CLTC: variants seen among roughly 807,000 people sequenced by gnomAD.
CLTC encodes the protein clathrin heavy chain, also known as clathrin heavy chain 1.
CLTC carries 16 observed loss-of-function variants against 195.8 expected under a neutral mutation model. The observed-to-expected ratio is 0.08, with a 90% CI of 0.06 to 0.12. The LOEUF is 0.12. Among genes scored for constraint, CLTC ranks in the 10% least tolerant of loss-of-function variants. The pLI is 1.00. For missense variants in CLTC, 796 were observed against 2,027.0 expected, an observed-to-expected ratio of 0.39 and a Z score of 11.66; for synonymous variants, 667 against 689.4, an observed-to-expected ratio of 0.97 and a Z score of 0.51.
intron 16 of CLTC, among the ~76,000 whole-genome samples, chr17:59,675,531 G>A (rs976963590): frequency 6.6e-6 from 1 of 152,052 alleles, no homozygotes; most frequent in African/African-American, 2.4e-5. Context: ...GTTGATATAG[G>A]TGATCTACTA....
In CLTC at chr17:59,695,916, A is replaced by G. The variant is rs940577630; in HGVS notation, c.*2064A>G. 4.9e-6 allele frequency: 1 copy of G among 202,120 alleles called. No homozygotes were observed. Among genetic ancestry groups the G allele is most frequent in the African/African-American group, 2.3e-5 (1 of 43,742 alleles). 12.5% of individuals were successfully genotyped at this position (202,120 alleles called of 1,614,324 possible). On this transcript the variant is annotated 3_prime_UTR_variant, in exon 32 of 32. Transcript: ENST00000269122. ...TTCTGCAGAGTATACTTTGAAAACT[A>G]TAAGATTATGAGTTCTATAAAATAC...
At chr17:59,669,737 T>TAAAA (rs1555605771) in intron 14 of CLTC, among the ~76,000 whole-genome samples, 1 of 151,480 alleles carries the variant, frequency 6.6e-6, no homozygotes, top group Non-Finnish European at 1.5e-5. Context: ...TATATATATA[T>TAAAA]AATGATTCCT....
intron 1 of CLTC, among the ~76,000 whole-genome samples, chr17:59,637,987 TA>T (rs56038540): frequency 1.4e-5 from 2 of 146,196 alleles, no homozygotes; most frequent in Admixed American, 1.4e-4. Context: ...AAACAAACTT[TA>T]AAAAAAAAAA....
At chr17:59,679,560 A>G (rs1169598644) in intron 18 of CLTC, 41 bp downstream of exon 18, 1 of 1,521,992 alleles carries the variant, frequency 6.6e-7, no homozygotes, top group Non-Finnish European at 8.9e-7. Flanking sequence ...AGTAAAAATT[A>G]TACATTTTTA....
chr17:59,675,481 G>A (rs2032946151), intron 16 of CLTC, among the ~76,000 whole-genome samples: 1 of 152,076 alleles, frequency 6.6e-6, no homozygotes, highest in African/African-American at 2.4e-5. Flanking sequence ...CTGTTTATGA[G>A]AAGAAATTAA....
rs181753997 is a variant in CLTC at position 59,671,729 on chromosome 17, T to C, written c.2293-1918T>C. On this transcript the variant is annotated intron_variant, in intron 14 of 31. Coordinates refer to ENST00000269122, the MANE Select transcript of CLTC (RefSeq NM_004859.4). ...TTTAGCTTCAACCACACTGGCCTGC[T>C]AGCTATTCCTGGAACTCCCCTAACC... Among the ~76,000 whole-genome samples the C allele has an allele frequency of 2.0e-5, 3 of 152,320 alleles. No individual in the cohort carries two copies. In the East Asian group the frequency reaches 5.8e-4, roughly 29 times the overall value.
intron 6 of CLTC, among the ~76,000 whole-genome samples, chr17:59,659,553 C>T (rs1305807248): frequency 6.6e-6 from 1 of 150,928 alleles, no homozygotes; most frequent in Middle Eastern, 3.4e-3. Context: ...TGGGTTCAAG[C>T]GATTCTCCTG....
chr17:59,661,585 G>A lies in CLTC; in HGVS notation c.1310G>A (p.Arg437Lys). The change falls in exon 8 of 32, where the codon AGG (arginine) becomes AAG (lysine). Residue 437 changes from arginine (R) to lysine (K), a missense_variant. Around this residue, in one of 9 missense-constraint regions of CLTC, gnomAD observed 293 missense variants for 795.6 expected, o/e 0.37. Coordinates refer to ENST00000269122, the MANE Select transcript of CLTC (RefSeq NM_004859.4). The part of the protein sequence containing the change: ...LNKYESLELC[R>K]PVLQQGRKQL... ...AAATACGAATCCTTAGAGCTTTGTA[G>A]GCCTGTACTTCAGCAAGGGCGAAAA... 2.5e-6 allele frequency: 4 copies of A among 1,614,056 alleles called. No individual in the cohort carries two copies. Among genetic ancestry groups the A allele is most frequent in the Non-Finnish European group, 3.4e-6 (4 of 1,179,990 alleles).
chr17:59,678,127 C>T (rs917581445), intron 17 of CLTC, among the ~76,000 whole-genome samples: 1 of 152,138 alleles, frequency 6.6e-6, no homozygotes, highest in Non-Finnish European at 1.5e-5. Flanking sequence ...TCTGATGGTT[C>T]CCGATGATTA....
intron 8 of CLTC, among the ~76,000 whole-genome samples, chr17:59,662,749 T>TAGC (rs951275524): frequency 6.6e-6 from 1 of 152,186 alleles, no homozygotes; most frequent in African/African-American, 2.4e-5. Flanking sequence ...ATAGCCACAC[T>TAGC]AGCGAGTATT....
At chr17:59,659,193 T>A (rs1238419911) in intron 6 of CLTC, among the ~76,000 whole-genome samples, 1 of 152,040 alleles carries the variant, frequency 6.6e-6, no homozygotes, top group Non-Finnish European at 1.5e-5. Flanking sequence ...TTATATTAGG[T>A]TGAGAAGTGC....
Position 59,696,862 on chromosome 17 carries a change from G to A in CLTC, c.*3010G>A, listed in dbSNP as rs2033440924. On this transcript the variant is annotated 3_prime_UTR_variant, in exon 32 of 32. Transcript: ENST00000269122. ...GAAGTGAGAAACTTTAATAGGCTGT[G>A]ATTTAGAACCACTGCTGATTAACCT... The A allele has an allele frequency of 5.0e-6, 1 of 201,158 alleles. No individual in the cohort carries two copies. Among genetic ancestry groups the A allele is most frequent in the African/African-American group, 2.3e-5 (1 of 43,584 alleles). The allele number at this position is 201,158 out of a possible 1,614,324, so 12.5% of individuals were successfully genotyped here. A position where few individuals can be genotyped will look rare whatever the true frequency, so the allele number is the denominator to read the frequency against.
chr17:59,621,172 C>G (rs2031365891), intron 1 of CLTC, among the ~76,000 whole-genome samples: 1 of 152,224 alleles, frequency 6.6e-6, no homozygotes, highest in Non-Finnish European at 1.5e-5. Context: ...GGCAACATGC[C>G]AGTGGCGGGC....
At chr17:59,622,032 A>G (rs1025079040) in intron 1 of CLTC, among the ~76,000 whole-genome samples, 4 of 152,170 alleles carry the variant, frequency 2.6e-5, no homozygotes, top group African/African-American at 9.7e-5. Context: ...CATTTCTTTT[A>G]AAGAGGAGAC....
intron 6 of CLTC, among the ~76,000 whole-genome samples, chr17:59,659,026 A>G (rs1056492428): frequency 6.6e-6 from 1 of 152,140 alleles, no homozygotes; most frequent in Non-Finnish European, 1.5e-5. Context: ...GTATTTTTCA[A>G]TTCTTACTGA....
At chr17:59,661,821 C>T (rs958983314) in intron 8 of CLTC, among the ~76,000 whole-genome samples, 178 bp downstream of exon 8, 13 of 151,822 alleles carry the variant, frequency 8.6e-5, no homozygotes, top group Middle Eastern at 3.2e-3. Flanking sequence ...TATATTTTTT[C>T]GCCGGGCATG....
chr17:59,665,843 AAAAAT>A (rs1598227137), intron 10 of CLTC, among the ~76,000 whole-genome samples: 1 of 152,216 alleles, frequency 6.6e-6, no homozygotes, highest in East Asian at 1.9e-4. Flanking sequence ...TCTGCCTCAA[AAAAAT>A]AAAATAAATA....
intron 1 of CLTC, among the ~76,000 whole-genome samples, chr17:59,643,135 GTGTGTGTGTGT>G (rs1567939315): frequency 4.3e-5 from 6 of 138,674 alleles, no homozygotes; most frequent in East Asian, 4.0e-4. Flanking sequence ...TTTCTGGGGT[GTGTGTGTGTGT>G]GTGTGTGTGT....
At chr17:59,687,873 A>G (rs1041920045) in intron 30 of CLTC, among the ~76,000 whole-genome samples, 4 of 152,156 alleles carry the variant, frequency 2.6e-5, no homozygotes, top group African/African-American at 9.6e-5. Flanking sequence ...CTCCATCCCA[A>G]TATAAATGAA....
Sources: gnomAD v4.1 joint callset for allele counts (sites outside exome capture counted in the v4.1 genomes callset) on GRCh38, gnomAD v4.1.1 for gene constraint, gnomAD v4.1.1 regional missense constraint, MANE v1.5 for transcripts, NCBI Gene and HGNC (gene_info 2026-07-23, HGNC 2026-07-21) for gene names.